Variants in GRIK4 observed in about 807,000 individuals in gnomAD.
GRIK4 encodes the protein glutamate receptor ionotropic, kainate 4.
In GRIK4, 40 loss-of-function variants were observed where a neutral mutation model predicts 104.9. That is an observed-to-expected ratio of 0.38 (90% confidence interval 0.30 to 0.50). GRIK4 has a LOEUF of 0.50. Among genes scored for constraint, GRIK4 ranks in the 20% least tolerant of loss-of-function variants. The pLI is 0.93. For synonymous variants in GRIK4, 485 were observed against 524.9 expected (o/e 0.92, Z 1.04); for missense variants, 1,047 against 1,308.1 (o/e 0.80, Z 3.08).
In GRIK4 at chr11:120,953,047, A is replaced by G. The variant is rs1332029847; in HGVS notation, c.1700+83A>G. On this transcript the variant is annotated intron_variant, in intron 15 of 20. Coordinates refer to ENST00000527524, the MANE Select transcript of GRIK4 (RefSeq NM_014619.5). The surrounding 1 kb of genome is among the most constrained non-coding windows in gnomAD (Gnocchi z 4.9). ...ACTGCATGGGGAGGGGGTGGGGAGG[A>G]GGAGAGGGGGAGGAGGAGTTGGGAA... The G allele has an allele frequency of 6.6e-6, 5 of 755,362 alleles. No individual in the cohort carries two copies. Among genetic ancestry groups the G allele is most frequent in the Non-Finnish European group, 1.1e-5 (5 of 444,176 alleles). 46.8% of individuals were successfully genotyped at this position (755,362 alleles called of 1,614,324 possible).
intron 1 of GRIK4, among the ~76,000 whole-genome samples, chr11:120,633,822 G>A (rs1949362400): frequency 1.3e-5 from 2 of 152,222 alleles, no homozygotes; most frequent in South Asian, 2.1e-4. Context: ...AGTGTGGCTG[G>A]GCATGGAGAT....
chr11:120,755,603 A>G (rs1467760385), intron 3 of GRIK4, among the ~76,000 whole-genome samples: 1 of 151,640 alleles, frequency 6.6e-6, no homozygotes, highest in Non-Finnish European at 1.5e-5. Flanking sequence ...GGCAAGCAAG[A>G]CCTTGTCTCA....
intron 1 of GRIK4, among the ~76,000 whole-genome samples, chr11:120,579,226 C>T (rs1034110904): frequency 1.6e-5 from 1 of 62,634 alleles, no homozygotes; most frequent in Non-Finnish European, 3.7e-5. Context: ...GACAAAATAA[C>T]CCCCCCCCCT....
chr11:120,791,903 A>T (rs886825948), intron 3 of GRIK4, among the ~76,000 whole-genome samples: 1 of 152,188 alleles, frequency 6.6e-6, no homozygotes, highest in African/African-American at 2.4e-5. Flanking sequence ...AGTAGTAATT[A>T]TGAAGGAAGG....
chr11:120,853,996 C>T (rs1954041272), intron 8 of GRIK4, among the ~76,000 whole-genome samples: 2 of 152,292 alleles, frequency 1.3e-5, no homozygotes, highest in African/African-American at 2.4e-5. Context: ...TCCTGGGCAC[C>T]TCAGTTTGCT....
chr11:120,806,576 GTGA>G (rs1264216930), intron 4 of GRIK4, among the ~76,000 whole-genome samples: 2 of 152,224 alleles, frequency 1.3e-5, no homozygotes, highest in Non-Finnish European at 2.9e-5. Flanking sequence ...AGAGACCCTA[GTGA>G]TGATATCTTT....
intron 2 of GRIK4, among the ~76,000 whole-genome samples, chr11:120,656,654 A>G (rs925419394): frequency 2.0e-5 from 3 of 152,150 alleles, no homozygotes; most frequent in Non-Finnish European, 4.4e-5. Flanking sequence ...TGAGGTCAGG[A>G]GTTCGAGACC....
intron 1 of GRIK4, among the ~76,000 whole-genome samples, chr11:120,601,472 G>A (rs1045213947): frequency 1.3e-5 from 2 of 152,106 alleles, no homozygotes; most frequent in African/African-American, 4.8e-5. Context: ...CAAGTGACTT[G>A]ATGATTCAAT....
At chr11:120,662,698 G>T (rs931356937) in intron 3 of GRIK4, among the ~76,000 whole-genome samples, 1 of 152,150 alleles carries the variant, frequency 6.6e-6, no homozygotes, top group Non-Finnish European at 1.5e-5. Flanking sequence ...TGCTCCTCTC[G>T]CCTTCCCAGG....
chr11:120,582,058 CAGCCTCCCAAAGTGCTGGGA>C, intron 1 of GRIK4, among the ~76,000 whole-genome samples: 8 of 151,404 alleles, frequency 5.3e-5, no homozygotes, highest in African/African-American at 1.7e-4. Flanking sequence ...CTGCCTGCCT[CAGCCTCCCAAAGTGCTGGGA>C]TTACAGGCAT....
At chr11:120,876,688 A>G (rs1194000154) in intron 11 of GRIK4, among the ~76,000 whole-genome samples, 1 of 152,180 alleles carries the variant, frequency 6.6e-6, no homozygotes, top group African/African-American at 2.4e-5. Flanking sequence ...AACAAACAGT[A>G]ATGACAGAGC....
At chr11:120,698,148 GA>G (rs1700577424) in intron 3 of GRIK4, among the ~76,000 whole-genome samples, 1 of 152,098 alleles carries the variant, frequency 6.6e-6, no homozygotes, top group African/African-American at 2.4e-5. Flanking sequence ...CTGTCAAGAT[GA>G]AACCTAAAGA....
intron 1 of GRIK4, among the ~76,000 whole-genome samples, chr11:120,620,956 C>T (rs1949179626): frequency 7.9e-5 from 12 of 152,168 alleles, no homozygotes; most frequent in Admixed American, 7.9e-4. Context: ...GTCACTTGCC[C>T]ACGATCATGC....
intron 3 of GRIK4, among the ~76,000 whole-genome samples, chr11:120,682,945 A>G (rs1223915182): frequency 6.6e-6 from 1 of 151,616 alleles, no homozygotes; most frequent in South Asian, 2.1e-4. Context: ...GTTCTCTAAA[A>G]CCCAGGTTAA....
chr11:120,605,924 G>A (rs1026175099), intron 1 of GRIK4, among the ~76,000 whole-genome samples: 2 of 152,224 alleles, frequency 1.3e-5, no homozygotes, highest in Admixed American at 6.5e-5. Flanking sequence ...CCGCACAGGC[G>A]GTGGCTGGGG....
rs192297149 is a variant in GRIK4, at chr11:120,987,499, G to A, written c.*1239G>A. 8 of 152,350 alleles carry A rather than the reference G, an allele frequency of 5.3e-5. No individual in the cohort carries two copies. The East Asian group carries it at 1.5e-3, about 29-fold the overall frequency. 9.4% of individuals were successfully genotyped at this position (152,350 alleles called of 1,614,324 possible). A position where few individuals can be genotyped will look rare whatever the true frequency, so the allele number is the denominator to read the frequency against. On this transcript the variant is annotated 3_prime_UTR_variant, in exon 21 of 21. Coordinates refer to ENST00000527524, the MANE Select transcript of GRIK4 (RefSeq NM_014619.5). Reference sequence around the variant, plus strand: ...CGTGTGTGTATTTATTCAACAGAAAGACCTTAAGTATTCAAGAATTTGCTA... The same window carrying A: ...CGTGTGTGTATTTATTCAACAGAAAAACCTTAAGTATTCAAGAATTTGCTA...
chr11:120,877,749 G>A (rs1003490302), intron 11 of GRIK4, among the ~76,000 whole-genome samples: 2 of 152,140 alleles, frequency 1.3e-5, no homozygotes, highest in Admixed American at 1.3e-4. Context: ...AAGGAGAAGG[G>A]GGTGGAGATG....
intron 3 of GRIK4, among the ~76,000 whole-genome samples, chr11:120,671,791 A>C (rs1434040523): frequency 1.3e-5 from 2 of 152,126 alleles, no homozygotes; most frequent in Non-Finnish European, 2.9e-5. Context: ...TTAGTCATGA[A>C]GTCTTCACCC....
intron 6 of GRIK4, among the ~76,000 whole-genome samples, chr11:120,823,790 G>A (rs911700444): frequency 2.0e-5 from 3 of 152,238 alleles, no homozygotes; most frequent in Non-Finnish European, 2.9e-5. Context: ...TCCAGGTGCA[G>A]TAGGGGACGG....
Sources: allele counts gnomAD v4.1 joint callset (sites outside exome capture counted in the v4.1 genomes callset), GRCh38; gene constraint gnomAD v4.1.1; non-coding constraint Gnocchi (gnomAD v3.1); transcripts MANE v1.5; gene names NCBI Gene and HGNC (gene_info 2026-07-23, HGNC 2026-07-21).